GAB4: variants seen among roughly 807,000 people sequenced by gnomAD.
The protein encoded by GAB4 is GRB2-associated-binding protein 4.
A neutral mutation model predicts 51.3 loss-of-function variants in GAB4; 26 were observed. The ratio of observed to expected loss-of-function variants is 0.51; its 90% CI spans 0.37 to 0.70. GAB4 has a LOEUF of 0.70. GAB4 is among the 30% of genes least tolerant of loss of function. The pLI is 0.00. For synonymous variants in GAB4, 329 were observed against 291.2 expected (o/e 1.13, Z -1.32); for missense variants, 759 against 734.6 (o/e 1.03, Z -0.38).
At chr22:16,969,088 A>T (rs2060707400) in intron 4 of GAB4, among the ~76,000 whole-genome samples, 1 of 152,258 alleles carries the variant, frequency 6.6e-6, no homozygotes. Context: ...TGAGGAGAGG[A>T]GGTTATATGC....
intron 3 of GAB4, among the ~76,000 whole-genome samples, chr22:16,971,905 C>G (rs189528098): frequency 1.3e-5 from 2 of 152,296 alleles, no homozygotes; most frequent in Non-Finnish European, 2.9e-5. Context: ...ATTCCTTCTC[C>G]CTTTCTATTC....
intron 1 of GAB4, among the ~76,000 whole-genome samples, chr22:17,006,719 A>G (rs1438869898): frequency 6.6e-6 from 1 of 152,216 alleles, no homozygotes; most frequent in African/African-American, 2.4e-5. Flanking sequence ...ACATGGATGA[A>G]GCTGGAAATC....
intron 1 of GAB4, among the ~76,000 whole-genome samples, chr22:17,003,851 C>CA (rs573635928): frequency 3.3e-3 from 499 of 152,000 alleles, no homozygotes; most frequent in African/African-American, 0.011. Context: ...GATAGAGACA[C>CA]AAAAAAACCC....
intron 3 of GAB4, among the ~76,000 whole-genome samples, chr22:16,979,103 T>A (rs1438973549): frequency 1.3e-5 from 2 of 152,160 alleles, no homozygotes; most frequent in Non-Finnish European, 2.9e-5. Flanking sequence ...CTGGAAGCAT[T>A]CCCTTTGAAA....
rs1182743180 is a variant in GAB4, at chr22:17,008,043, C to T, written c.72G>A (p.Ser24=). The T allele has an allele frequency of 3.7e-6, 6 of 1,608,706 alleles. No individual in the cohort carries two copies. The highest frequency in any genetic ancestry group is 4.2e-6 in the Non-Finnish European group (5 of 1,177,932). Residue 24 remains serine, a synonymous_variant, in exon 1 of 10, where the codon TCG becomes TCA. Coordinates refer to ENST00000400588, the MANE Select transcript of GAB4 (RefSeq NM_001037814.1). ...CGCCGGCGGGGCCACTTCCGGGCCA[C>T]GAAGACAAAGGCGCAAATGCCGGGT... The part of the protein sequence containing the change: ...PPDPAFAPLS[S]WPGSGPAGGS...
intron 3 of GAB4, among the ~76,000 whole-genome samples, chr22:16,985,647 G>A (rs1197042583): frequency 6.6e-6 from 1 of 152,212 alleles, no homozygotes; most frequent in African/African-American, 2.4e-5. Flanking sequence ...TAACTTTTCT[G>A]TAGAAACTAC....
At chr22:16,982,497 T>C (rs2060834527) in intron 3 of GAB4, among the ~76,000 whole-genome samples, 1 of 152,124 alleles carries the variant, frequency 6.6e-6, no homozygotes, top group African/African-American at 2.4e-5. Flanking sequence ...CTATAAAATA[T>C]TTATTAAAGA....
At chr22:16,984,318 G>C (rs534499730) in intron 3 of GAB4, among the ~76,000 whole-genome samples, 1 of 152,344 alleles carries the variant, frequency 6.6e-6, no homozygotes, top group African/African-American at 2.4e-5. Flanking sequence ...TAAGGGCATG[G>C]AGAAATGGGA....
At chr22:16,998,436 GCTCT>G (rs1230054273) in intron 1 of GAB4, among the ~76,000 whole-genome samples, 3 of 152,088 alleles carry the variant, frequency 2.0e-5, no homozygotes, top group Non-Finnish European at 2.9e-5. Context: ...TCTTGATTTG[GCTCT>G]CTGTTTGTCT....
chr22:17,002,283 G>A (rs5994127), intron 1 of GAB4, among the ~76,000 whole-genome samples: 2,525 of 151,490 alleles, frequency 0.017, 82 homozygotes, highest in African/African-American at 0.057. Context: ...TGGAACCTCC[G>A]TTTTCAACAT....
intron 1 of GAB4, among the ~76,000 whole-genome samples, chr22:17,001,420 T>G (rs1331302220): frequency 1.3e-5 from 2 of 152,206 alleles, no homozygotes; most frequent in African/African-American, 4.8e-5. Context: ...TTCTTCCTCT[T>G]GATCAAATTG....
intron 1 of GAB4, among the ~76,000 whole-genome samples, chr22:16,998,006 T>C (rs1416292946): frequency 6.6e-6 from 1 of 152,226 alleles, no homozygotes; most frequent in Non-Finnish European, 1.5e-5. Flanking sequence ...TTGGTCTATA[T>C]CTCTGTTTTG....
chr22:16,971,745 T>G (rs2060733871), intron 3 of GAB4, among the ~76,000 whole-genome samples: 1 of 152,136 alleles, frequency 6.6e-6, no homozygotes, highest in Non-Finnish European at 1.5e-5. Context: ...ACTGGTATGC[T>G]CTCAGCCTGT....
At chr22:16,972,360 C>T (rs560644538) in intron 3 of GAB4, among the ~76,000 whole-genome samples, 3 of 152,302 alleles carry the variant, frequency 2.0e-5, no homozygotes, top group South Asian at 4.1e-4. Flanking sequence ...TCTGCAGCAG[C>T]AGGCCAGACA....
chr22:16,985,703 CG>C (rs1042853406), intron 3 of GAB4, among the ~76,000 whole-genome samples: 2 of 152,230 alleles, frequency 1.3e-5, no homozygotes, highest in African/African-American at 4.8e-5. Flanking sequence ...TCCACACAAG[CG>C]AAAACAAAGA....
chr22:16,963,779 C>T lies in GAB4; in HGVS notation c.1527G>A (p.Pro509=), dbSNP rs771158785. 34 of 1,613,784 alleles carry T rather than the reference C, an allele frequency of 2.1e-5. No individual in the cohort carries two copies. Among genetic ancestry groups the T allele is most frequent in the South Asian group, 6.6e-5 (6 of 91,084 alleles). ...PVSGGTSSSA[P]PRSTGNIHYA... ...AGTGGATGTTACCAGTGCTCCTCGG[C>T]GGGGCTGAACTGCTGGTGCCACCGG... The change falls in exon 9 of 10, where the codon CCG becomes CCA. Residue 509 remains proline (P), a synonymous_variant. Coordinates refer to ENST00000400588, the MANE Select transcript of GAB4 (RefSeq NM_001037814.1).
chr22:16,999,905 A>G (rs1028060848), intron 1 of GAB4, among the ~76,000 whole-genome samples: 147 of 152,328 alleles, frequency 9.7e-4, no homozygotes, highest in African/African-American at 3.3e-3. Context: ...TGTACCCAGT[A>G]GTCACTCAGG....
In GAB4 at chr22:16,961,991, C is replaced by G. The variant is rs1314298011; in HGVS notation, c.*742G>C. ...CAGGCAAGGGCCCCCCAAGGGGCAT[C>G]AGCAAAGAGCAGCAGAGCCAGCCTG... On this transcript the variant is annotated 3_prime_UTR_variant, in exon 10 of 10. Transcript: ENST00000400588. 1 of 152,278 alleles carries G rather than the reference C, an allele frequency of 6.6e-6. No individual in the cohort carries two copies. Among genetic ancestry groups the G allele is most frequent in the African/African-American group, 2.4e-5 (1 of 41,458 alleles). The allele number at this position is 152,278 out of a possible 1,614,324, so 9.4% of individuals were successfully genotyped here. A position where few individuals can be genotyped will look rare whatever the true frequency, so the allele number is the denominator to read the frequency against.
chr22:16,966,225 G>A lies in GAB4; in HGVS notation c.1163C>T (p.Ser388Leu). Residue 388 changes from serine (S) to leucine (L), a missense_variant, in exon 6 of 10, where the codon TCA (serine) becomes TTA (leucine). By Grantham distance (145) the Ser-to-Leu change is moderately radical. This residue lies in a region of GAB4 where 588 missense variants were observed against 510.2 expected (regional missense o/e 1.15). Transcript: ENST00000400588. The stretch of plus-strand genomic sequence containing the variant: ...AAGCAGGTCAAAGCGAACAAGACAT[G>A]AGCCCACAGGGATGCAGACACCCTG... Reference protein sequence around the residue: ...DSQGVCIPVGSCLVRFDLLGS... With the variant: ...DSQGVCIPVGLCLVRFDLLGS... The A allele has an allele frequency of 6.2e-7, 1 of 1,614,100 alleles. No individual in the cohort carries two copies. Among genetic ancestry groups the A allele is most frequent in the Non-Finnish European group, 8.5e-7 (1 of 1,180,034 alleles).
Sources: allele counts gnomAD v4.1 joint callset (sites outside exome capture counted in the v4.1 genomes callset), GRCh38; gene constraint gnomAD v4.1.1; regional missense constraint gnomAD v4.1.1; transcripts MANE v1.5; gene names NCBI Gene and HGNC (gene_info 2026-07-23, HGNC 2026-07-21).